GALNT17: variants seen among roughly 807,000 people sequenced by gnomAD.
GALNT17 encodes UDP-GalNAc:polypeptide N-acetylgalactosaminyltransferase-like 3.
A neutral mutation model predicts 63.7 loss-of-function variants in GALNT17; 29 were observed. The ratio of observed to expected loss-of-function variants is 0.46; its 90% CI spans 0.34 to 0.62. GALNT17 has a LOEUF of 0.62. Ranked by LOEUF, GALNT17 falls within the 20% of genes least tolerant of loss-of-function variation. The pLI, the probability that GALNT17 is intolerant of heterozygous loss-of-function variation, is 0.01. For missense variants in GALNT17, 603 were observed against 799.6 expected, an observed-to-expected ratio of 0.75 and a Z score of 2.97; for synonymous variants, 305 against 318.3, an observed-to-expected ratio of 0.96 and a Z score of 0.45.
intron 5 of GALNT17, among the ~76,000 whole-genome samples, chr7:71,465,453 T>C (rs543464008): frequency 4.6e-5 from 7 of 152,322 alleles, no homozygotes; most frequent in Admixed American, 4.6e-4. Context: ...AAAAGCTTTA[T>C]GATAACTTTA....
At chr7:71,581,429 G>A (rs937221170) in intron 6 of GALNT17, among the ~76,000 whole-genome samples, 3 of 152,140 alleles carry the variant, frequency 2.0e-5, no homozygotes, top group East Asian at 1.9e-4. Flanking sequence ...CAAAGTGCTA[G>A]GATTACAGCT....
At position 71,710,772 on chromosome 7, in the gene GALNT17, C is replaced by T; in HGVS notation, c.1512C>T (p.Tyr504=). Reference sequence around the variant, plus strand: ...TGGTCTCTCGACAGCTTGCCCGCTACACCAAGGAAGGCTTCCTGCACTTGG... The same window carrying T: ...TGGTCTCTCGACAGCTTGCCCGCTATACCAAGGAAGGCTTCCTGCACTTGG... ...CHGWGPQLAR[Y]TKEGFLHLGA... Residue 504 remains tyrosine, a synonymous_variant, in exon 10 of 11, where the codon TAC becomes TAT. Coordinates refer to ENST00000333538, the MANE Select transcript of GALNT17 (RefSeq NM_022479.3). The T allele has an allele frequency of 2.5e-6, 4 of 1,612,316 alleles. No homozygotes were observed. Among genetic ancestry groups the T allele is most frequent in the Non-Finnish European group, 3.4e-6 (4 of 1,179,774 alleles).
chr7:71,425,125 G>GT (rs1338688446), intron 5 of GALNT17, among the ~76,000 whole-genome samples: 3 of 152,204 alleles, frequency 2.0e-5, no homozygotes, highest in African/African-American at 7.2e-5. Flanking sequence ...AAGGCCGATT[G>GT]TAAGGGTAAG....
chr7:71,447,031 T>C (rs1787174094), intron 5 of GALNT17, among the ~76,000 whole-genome samples: 1 of 152,192 alleles, frequency 6.6e-6, no homozygotes, highest in South Asian at 2.1e-4. Flanking sequence ...ACTCATTCCT[T>C]TGCTGAGGGC....
intron 3 of GALNT17, among the ~76,000 whole-genome samples, chr7:71,395,292 A>G (rs992774995): frequency 2.0e-5 from 3 of 152,178 alleles, no homozygotes; most frequent in Admixed American, 2.0e-4. Flanking sequence ...CTGTTACGAT[A>G]AATTTGCCTC....
chr7:71,382,999 A>G (rs1053175611), intron 2 of GALNT17, among the ~76,000 whole-genome samples: 14 of 152,054 alleles, frequency 9.2e-5, no homozygotes, highest in African/African-American at 3.4e-4. Context: ...CAATCACAAT[A>G]ATTTCCCATT....
intron 1 of GALNT17, among the ~76,000 whole-genome samples, chr7:71,290,575 A>G (rs1790961714): frequency 6.6e-6 from 1 of 152,146 alleles, no homozygotes; most frequent in Non-Finnish European, 1.5e-5. Flanking sequence ...TGGGCTGCAG[A>G]AAGAGGCTGT....
chr7:71,441,532 A>G (rs1318251237), intron 5 of GALNT17, among the ~76,000 whole-genome samples: 2 of 152,072 alleles, frequency 1.3e-5, no homozygotes, highest in South Asian at 2.1e-4. Context: ...GTTTGTTAAC[A>G]CAGGTATACA....
At chr7:71,241,887 C>G (rs895858501) in intron 1 of GALNT17, among the ~76,000 whole-genome samples, 1 of 151,720 alleles carries the variant, frequency 6.6e-6, no homozygotes, top group African/African-American at 2.4e-5. Context: ...AGACCTTATC[C>G]CAAAAAAAAG....
rs181269102 is a variant in GALNT17 at position 71,687,724 on chromosome 7, T to A, written c.1500+10418T>A. On this transcript the variant is annotated intron_variant, in intron 9 of 10. Coordinates refer to ENST00000333538, the MANE Select transcript of GALNT17 (RefSeq NM_022479.3). ...TGGGGGACTGAAGGCAGATACTTTT[T>A]AAAAATTTTTTTATTAATTAACTAT... Among the ~76,000 whole-genome samples, 595 of 152,282 alleles carry A rather than the reference T, an allele frequency of 3.9e-3. 3 individuals are homozygous for A. The highest frequency in any genetic ancestry group is 0.013 in the African/African-American group (559 of 41,570).
At chr7:71,481,273 C>G (rs1212395524) in intron 5 of GALNT17, among the ~76,000 whole-genome samples, 1 of 152,014 alleles carries the variant, frequency 6.6e-6, no homozygotes, top group Admixed American at 6.6e-5. Flanking sequence ...ATGGTGAAAC[C>G]TCATCTCTAG....
rs1175957369 is a variant in GALNT17, at chr7:71,679,911, T to TC, written c.1500+2607dup. On this transcript the variant is annotated intron_variant, in intron 9 of 10. Transcript: ENST00000333538. ...TTCCCTCCCTCCCTCCCTCCCTCCC[T>TC]CCTTCTCTCCCTTCCTCCTCCCTCT... is the stretch of plus-strand genomic sequence containing the variant. Among the ~76,000 whole-genome samples the TC allele has an allele frequency of 1.7e-4, 7 of 41,986 alleles. 2 individuals carry two copies. Among genetic ancestry groups the TC allele is most frequent in the Admixed American group, 6.9e-4 (2 of 2,882 alleles). 27.5% of individuals were successfully genotyped at this position (41,986 alleles called of 152,430 possible). A position where few individuals can be genotyped will look rare whatever the true frequency, so the allele number is the denominator to read the frequency against.
At chr7:71,272,719 G>GC (rs1463660168) in intron 1 of GALNT17, among the ~76,000 whole-genome samples, 2 of 152,196 alleles carry the variant, frequency 1.3e-5, no homozygotes, top group African/African-American at 4.8e-5. Context: ...GCAGCCTAAG[G>GC]CCTGGATGCC....
At chr7:71,363,925 C>G (rs911604157) in intron 2 of GALNT17, among the ~76,000 whole-genome samples, 1 of 152,166 alleles carries the variant, frequency 6.6e-6, no homozygotes, top group Non-Finnish European at 1.5e-5. Flanking sequence ...GTTTCCATAT[C>G]CAGTAAGGTT....
At chr7:71,184,939 A>ACTTCCTTCCTTCCTTCCTTCCTTC (rs1164312541) in intron 1 of GALNT17, among the ~76,000 whole-genome samples, 1 of 64,182 alleles carries the variant, frequency 1.6e-5, no homozygotes, top group Non-Finnish European at 3.0e-5. Flanking sequence ...TCCCTTCCTC[A>ACTTCCTTCCTTCCTTCCTTCCTTC]CTTCCTTCCT....
chr7:71,195,827 G>T (rs890642422), intron 1 of GALNT17, among the ~76,000 whole-genome samples: 1 of 152,066 alleles, frequency 6.6e-6, no homozygotes, highest in Non-Finnish European at 1.5e-5. Context: ...GGGGTTACAG[G>T]CACCCAGCCG....
intron 5 of GALNT17, among the ~76,000 whole-genome samples, chr7:71,516,861 A>C (rs1006796986): frequency 6.6e-6 from 1 of 152,104 alleles, no homozygotes; most frequent in African/African-American, 2.4e-5. Flanking sequence ...TAAACTTCCT[A>C]TGTTTGACCT....
At chr7:71,182,557 A>G (rs573454614) in intron 1 of GALNT17, among the ~76,000 whole-genome samples, 2 of 152,196 alleles carry the variant, frequency 1.3e-5, no homozygotes, top group African/African-American at 4.8e-5. Context: ...AGCATTTAAC[A>G]TTTGTAGGCA....
At chr7:71,476,101 C>A (rs918157062) in intron 5 of GALNT17, among the ~76,000 whole-genome samples, 1 of 152,152 alleles carries the variant, frequency 6.6e-6, no homozygotes, top group African/African-American at 2.4e-5. Flanking sequence ...AACCATGATT[C>A]TCTTGACTGA....
Sources: gnomAD v4.1 joint callset for allele counts (sites outside exome capture counted in the v4.1 genomes callset) on GRCh38, gnomAD v4.1.1 for gene constraint, MANE v1.5 for transcripts, NCBI Gene and HGNC (gene_info 2026-07-23, HGNC 2026-07-21) for gene names.